Variants in BBS7 observed in about 807,000 individuals in gnomAD.
The protein encoded by BBS7 is BBSome complex member BBS7.
A neutral mutation model predicts 90.3 loss-of-function variants in BBS7; 50 were observed. The ratio of observed to expected loss-of-function variants is 0.55; its 90% CI spans 0.44 to 0.70. BBS7 has a LOEUF of 0.70. Among genes scored for constraint, BBS7 ranks in the 30% least tolerant of loss-of-function variants. The pLI is 0.00. For missense variants in BBS7, 729 were observed against 838.9 expected, an observed-to-expected ratio of 0.87 and a Z score of 1.62; for synonymous variants, 235 against 287.4, an observed-to-expected ratio of 0.82 and a Z score of 1.85.
rs1725871139 is a variant in BBS7, at chr4:121,843,990, TG to T, written c.1241del (p.Pro414GlnfsTer2). Reference protein sequence around the residue: ...IDNVLIQSDVPIDLLDVDKNS... With the variant: ...IDNVLIQSDVXIDLLDVDKNS... ...TTTTATCCACATCAAGTAAATCTAT[TG>T]GAACATCACTCTATAGTCAATATTA... On this transcript the variant is annotated frameshift_variant, in exon 12 of 19. Coordinates refer to ENST00000264499, the MANE Select transcript of BBS7 (RefSeq NM_176824.3). LOFTEE classifies it high-confidence loss of function. 1 of 1,594,146 alleles carries T rather than the reference TG, an allele frequency of 6.3e-7. No individual in the cohort carries two copies. The highest frequency in any genetic ancestry group is 8.6e-7 in the Non-Finnish European group (1 of 1,165,906).
chr4:121,854,334 G>C (rs1264812731), intron 7 of BBS7, among the ~76,000 whole-genome samples: 1 of 152,080 alleles, frequency 6.6e-6, no homozygotes, highest in East Asian at 1.9e-4. Flanking sequence ...TTAGAAAACA[G>C]GAATATTCTC....
intron 14 of BBS7, among the ~76,000 whole-genome samples, chr4:121,834,282 C>T (rs1023352986): frequency 6.6e-6 from 1 of 152,168 alleles, no homozygotes; most frequent in African/African-American, 2.4e-5. Context: ...TAATCCAAGT[C>T]TCTTGATTCC....
At chr4:121,848,367 G>A (rs1726128178) in intron 9 of BBS7, among the ~76,000 whole-genome samples, 1 of 152,144 alleles carries the variant, frequency 6.6e-6, no homozygotes, top group Non-Finnish European at 1.5e-5. Context: ...TGCCCATGAT[G>A]TGAATCATCC....
intron 5 of BBS7, 37 bp downstream of exon 5, chr4:121,858,955 T>A: frequency 1.3e-6 from 2 of 1,574,374 alleles, no homozygotes; most frequent in Non-Finnish European, 1.7e-6. Context: ...TTCTTTCACA[T>A]AATATAAAAA....
intron 9 of BBS7, 69 bp downstream of exon 9, chr4:121,848,775 G>T: frequency 1.6e-6 from 2 of 1,250,860 alleles, no homozygotes; most frequent in Non-Finnish European, 1.2e-6. Context: ...GTCATCAAAA[G>T]CAGTTTATTA....
At chr4:121,867,949 G>C in intron 2 of BBS7, 32 bp downstream of exon 2, 1 of 1,552,484 alleles carries the variant, frequency 6.4e-7, no homozygotes, top group Non-Finnish European at 8.9e-7. Context: ...CACTGCTAGG[G>C]AATAGTGGAG....
At chr4:121,859,867 A>G (rs1382817608) in intron 4 of BBS7, among the ~76,000 whole-genome samples, 1 of 152,140 alleles carries the variant, frequency 6.6e-6, no homozygotes, top group East Asian at 1.9e-4. Flanking sequence ...AGTCATAACT[A>G]TATTCTAATT....
intron 1 of BBS7, 110 bp downstream of exon 1, chr4:121,870,168 C>T: frequency 2.1e-6 from 3 of 1,433,738 alleles, no homozygotes; most frequent in Admixed American, 1.7e-5. Flanking sequence ...CCGGCTCCTT[C>T]GCCTCCGCAC....
intron 12 of BBS7, among the ~76,000 whole-genome samples, chr4:121,843,495 T>A (rs1159989589): frequency 2.6e-5 from 4 of 152,212 alleles, no homozygotes; most frequent in African/African-American, 9.7e-5. Context: ...ATATATAGGC[T>A]GAACATTCCC....
chr4:121,841,686 T>C (rs1210305760), intron 12 of BBS7, among the ~76,000 whole-genome samples: 4 of 152,198 alleles, frequency 2.6e-5, no homozygotes, highest in Non-Finnish European at 1.5e-5. Context: ...TTAAAGCCAT[T>C]GTCCTAGAAA....
chr4:121,828,013 T>C, intron 18 of BBS7, 133 bp downstream of exon 18: 1 of 1,497,048 alleles, frequency 6.7e-7, no homozygotes, highest in Non-Finnish European at 8.9e-7. Flanking sequence ...TGTTGTCAAC[T>C]GATTCATGAC....
At chr4:121,841,608 T>C (rs1015720698) in intron 12 of BBS7, among the ~76,000 whole-genome samples, 1 of 152,068 alleles carries the variant, frequency 6.6e-6, no homozygotes, top group Non-Finnish European at 1.5e-5. Context: ...AAATTAGTGA[T>C]GGGTACATGC....
chr4:121,859,640 T>C (rs1205880555), intron 4 of BBS7, among the ~76,000 whole-genome samples: 1 of 152,138 alleles, frequency 6.6e-6, no homozygotes, highest in Non-Finnish European at 1.5e-5. Context: ...TAATGGCACC[T>C]AAGTATTAAG....
chr4:121,835,773 C>T (rs1363436909), intron 13 of BBS7, among the ~76,000 whole-genome samples: 1 of 151,756 alleles, frequency 6.6e-6, no homozygotes, highest in Non-Finnish European at 1.5e-5. Context: ...AGAAAAAAAG[C>T]TTTAATATAG....
At chr4:121,827,199 G>A (rs1724956730) in intron 18 of BBS7, among the ~76,000 whole-genome samples, 1 of 152,140 alleles carries the variant, frequency 6.6e-6, no homozygotes, top group Admixed American at 6.5e-5. Context: ...GAGATCATGT[G>A]CTTGTCATGT....
intron 9 of BBS7, 79 bp downstream of exon 9, chr4:121,848,765 G>T: frequency 8.6e-7 from 1 of 1,158,232 alleles, no homozygotes; most frequent in Non-Finnish European, 1.3e-6. Context: ...TTTAAAAAGA[G>T]TCATCAAAAG....
intron 8 of BBS7, among the ~76,000 whole-genome samples, chr4:121,852,293 C>T (rs1726364583): frequency 6.6e-6 from 1 of 151,856 alleles, no homozygotes; most frequent in African/African-American, 2.4e-5. Context: ...GTTGTGAACT[C>T]TTTTTTTTCT....
chr4:121,834,871 C>T (rs1725371351), intron 14 of BBS7, among the ~76,000 whole-genome samples: 1 of 152,128 alleles, frequency 6.6e-6, no homozygotes, highest in African/African-American at 2.4e-5. Context: ...AGTATTTGCT[C>T]TCACATTAAG....
intron 1 of BBS7, 45 bp from the exon 2 acceptor site, chr4:121,868,091 T>C: frequency 3.4e-6 from 5 of 1,469,936 alleles, no homozygotes; most frequent in East Asian, 4.5e-5. Flanking sequence ...TTTGAAGTTA[T>C]TACAGAGATT....
Sources: gnomAD v4.1 joint callset for allele counts (sites outside exome capture counted in the v4.1 genomes callset) on GRCh38, gnomAD v4.1.1 for gene constraint, MANE v1.5 for transcripts, NCBI Gene and HGNC (gene_info 2026-07-23, HGNC 2026-07-21) for gene names.